DCLRE1C: variants seen among roughly 807,000 people sequenced by gnomAD.
DCLRE1C encodes DNA cross-link repair 1C.
DCLRE1C carries 47 observed loss-of-function variants against 61.4 expected under a neutral mutation model. That is an observed-to-expected ratio of 0.77 (90% CI 0.61 to 0.98). DCLRE1C has a LOEUF of 0.98. DCLRE1C is among the 50% of genes least tolerant of loss of function. The pLI is 0.00. For missense variants in DCLRE1C, 858 were observed against 816.0 expected (o/e 1.05, Z -0.63); for synonymous variants, 337 against 287.6 (o/e 1.17, Z -1.74).
intron 13 of DCLRE1C, among the ~76,000 whole-genome samples, chr10:14,910,793 A>C (rs7922341): frequency 0.28 from 41,916 of 151,960 alleles, 7,283 homozygotes; most frequent in South Asian, 0.47. Flanking sequence ...ACTAGATTTA[A>C]CCTCCCACTT....
At position 14,909,235 on chromosome 10, in the gene DCLRE1C, T is replaced by C. The variant is rs1283412286; in HGVS notation, c.1252A>G (p.Met418Val). The stretch of plus-strand genomic sequence containing the variant: ...GGCTGCTTTTCTGATACTGCAGTCA[T>C]TGAAAATACCTCAGGGTGAAAAGTT... ...PETFHPEVFS[M>V]TAVSEKQPEK... Residue 418 changes from methionine to valine, a missense_variant, in exon 14 of 14, where the codon ATG becomes GTG. Physicochemically the swap from Met to Val is conservative, Grantham distance 21 (BLOSUM62 1). Coordinates refer to ENST00000378278, the MANE Select transcript of DCLRE1C (RefSeq NM_001033855.3). The C allele has an allele frequency of 6.2e-7, 1 of 1,613,818 alleles. No individual in the cohort carries two copies. Among genetic ancestry groups the C allele is most frequent in the Non-Finnish European group, 8.5e-7 (1 of 1,179,932 alleles).
At chr10:14,925,225 TAAAA>T (rs67477083) in intron 11 of DCLRE1C, among the ~76,000 whole-genome samples, 45 of 109,324 alleles carry the variant, frequency 4.1e-4, no homozygotes, top group African/African-American at 1.3e-3. Flanking sequence ...ATAAAGGATT[TAAAA>T]AAAAAAAAAA....
intron 13 of DCLRE1C, chr10:14,911,272 A>G (rs1315078710): frequency 1.3e-5 from 2 of 152,238 alleles, no homozygotes; most frequent in African/African-American, 4.8e-5. Flanking sequence ...AAAAGAACCA[A>G]GAAGAGCCTT....
intron 11 of DCLRE1C, among the ~76,000 whole-genome samples, 186 bp downstream of exon 11, chr10:14,926,657 C>CAAA (rs74328549): frequency 1.6e-5 from 1 of 64,342 alleles, no homozygotes. Context: ...CTGTCTCAAC[C>CAAA]AAAAAAAAAA....
In DCLRE1C at chr10:14,928,082, A is replaced by T; in HGVS notation, c.851T>A (p.Ile284Lys). ...CATGGTGGATGGCTTAATGCTGATT[A>T]TGTGGAGTGGAATTCTATTTCTGGA... ...ITSRNRIPLH[I>K]ISIKPSTMWF... Residue 284 changes from isoleucine to lysine, a missense_variant, in exon 10 of 14, where the codon ATA (isoleucine) becomes AAA (lysine). Physicochemically the swap from Ile to Lys is moderately radical, Grantham distance 102. Transcript: ENST00000378278. The T allele has an allele frequency of 6.2e-7, 1 of 1,613,774 alleles. No homozygotes were observed. The highest frequency in any genetic ancestry group is 1.7e-4 in the Middle Eastern group (1 of 6,058).
chr10:14,932,578 G>A (rs943313324), intron 9 of DCLRE1C, among the ~76,000 whole-genome samples: 4 of 152,112 alleles, frequency 2.6e-5, no homozygotes, highest in African/African-American at 9.7e-5. Context: ...GGAGCTTGCA[G>A]TGAGCCTAGA....
chr10:14,910,087 T>TA (rs1193206115), intron 13 of DCLRE1C, among the ~76,000 whole-genome samples: 1 of 152,188 alleles, frequency 6.6e-6, no homozygotes, highest in Non-Finnish European at 1.5e-5. Context: ...AATCTGGTGT[T>TA]ATAATAATCC....
At chr10:14,927,334 G>A (rs1453270327) in intron 10 of DCLRE1C, among the ~76,000 whole-genome samples, 1 of 139,392 alleles carries the variant, frequency 7.2e-6, no homozygotes, top group Non-Finnish European at 1.5e-5. Context: ...GCAGTGAGCT[G>A]AGATCACACC....
At chr10:14,947,276 G>A (rs1841844218) in intron 2 of DCLRE1C, among the ~76,000 whole-genome samples, 2 of 152,236 alleles carry the variant, frequency 1.3e-5, no homozygotes, top group South Asian at 2.1e-4. Flanking sequence ...CCCTAGCTGT[G>A]TGAGTTTTCC....
rs1031704833 is a variant in DCLRE1C, at chr10:14,912,903, G to C, written c.1157-3573C>G. On this transcript the variant is annotated intron_variant, in intron 13 of 13. Coordinates refer to ENST00000378278, the MANE Select transcript of DCLRE1C (RefSeq NM_001033855.3). ...TCACCGTGTTAGCCAGGATGGTCTC[G>C]ATCTCTCTGACCACATGATCCACCC... 2.7e-5 allele frequency among the ~76,000 whole-genome samples: 4 copies of C among 148,128 alleles called. No individual in the cohort carries two copies. The Admixed American group carries it at 2.7e-4, about 10-fold the overall frequency.
intron 9 of DCLRE1C, among the ~76,000 whole-genome samples, chr10:14,930,962 CTT>C (rs918743225): frequency 4.6e-5 from 7 of 152,180 alleles, no homozygotes; most frequent in Admixed American, 1.3e-4. Flanking sequence ...AGAATTCTCT[CTT>C]GTTTGAAATT....
intron 9 of DCLRE1C, among the ~76,000 whole-genome samples, chr10:14,930,265 C>T (rs748248742): frequency 6.7e-5 from 10 of 148,796 alleles, no homozygotes; most frequent in Non-Finnish European, 1.3e-4. Flanking sequence ...GCATGCACCA[C>T]CACACTCAGC....
chr10:14,933,097 GCACT>G, intron 8 of DCLRE1C, 142 bp from the exon 9 acceptor site: 1 of 896,150 alleles, frequency 1.1e-6, no homozygotes, highest in Non-Finnish European at 1.8e-6. Context: ...GCTATTCAGT[GCACT>G]CTGGTATTCC....
intron 1 of DCLRE1C, among the ~76,000 whole-genome samples, chr10:14,950,740 A>T (rs1215770504): frequency 6.6e-6 from 1 of 152,166 alleles, no homozygotes; most frequent in African/African-American, 2.4e-5. Context: ...AGCAGGCAGC[A>T]CCCTGCATGG....
chr10:14,953,545 A>C (rs986320706), intron 1 of DCLRE1C, among the ~76,000 whole-genome samples: 6 of 152,014 alleles, frequency 3.9e-5, no homozygotes, highest in African/African-American at 1.4e-4. Flanking sequence ...GGGTGTGGTC[A>C]AATGGATCTG....
chr10:14,898,075 A>G (rs2131706099), exon 14 of DCLRE1C: 1 of 149,890 alleles, frequency 6.7e-6, no homozygotes, highest in Admixed American at 6.6e-5. Context: ...TTATTTGTAT[A>G]CAAATCATAT....
chr10:14,936,659 G>T (rs1839976976), intron 4 of DCLRE1C, 66 bp from the exon 5 acceptor site: 7 of 1,121,488 alleles, frequency 6.2e-6, no homozygotes, highest in Non-Finnish European at 9.4e-6. Flanking sequence ...GCTCAACAAA[G>T]CCCTCCTTCA....
chr10:14,901,395 C>T (rs1384726034), downstream of DCLRE1C: 10 of 1,197,050 alleles, frequency 8.4e-6, no homozygotes, highest in Non-Finnish European at 1.2e-5. Flanking sequence ...AGTTTGTCAT[C>T]CTAAGGTACA....
At chr10:14,913,408 AGCTT>A (rs1157283385) in intron 13 of DCLRE1C, among the ~76,000 whole-genome samples, 1 of 152,238 alleles carries the variant, frequency 6.6e-6, no homozygotes, top group African/African-American at 2.4e-5. Context: ...ACTTCAATAA[AGCTT>A]AAAAAATAAT....
Sources: gnomAD v4.1 joint callset for allele counts (sites outside exome capture counted in the v4.1 genomes callset) on GRCh38, gnomAD v4.1.1 for gene constraint, MANE v1.5 for transcripts, NCBI Gene and HGNC (gene_info 2026-07-23, HGNC 2026-07-21) for gene names.